GMDS: variants seen among roughly 807,000 people sequenced by gnomAD.
GMDS encodes the protein GDP-mannose 4,6 dehydratase.
In GMDS, 20 loss-of-function variants were observed where a neutral mutation model predicts 49.9. That is an observed-to-expected ratio of 0.40 (90% CI 0.28 to 0.58). The LOEUF is 0.58. Ranked by LOEUF, GMDS falls within the 20% of genes least tolerant of loss-of-function variation. The pLI is 0.42. For synonymous variants in GMDS, 177 were observed against 178.6 expected (o/e 0.99, Z 0.07); for missense variants, 362 against 481.4 (o/e 0.75, Z 2.32).
In GMDS at chr6:2,058,530, G is replaced by A. The variant is rs562110794; in HGVS notation, c.345+57241C>T. ...CCCTCATGAGAGTGTAGAGCTATCC[G>A]AAGGTAGAAAAGAATATCTTGAGAG... On this transcript the variant is annotated intron_variant, in intron 4 of 10. Transcript: ENST00000380815. Among the ~76,000 whole-genome samples, 6 of 152,072 alleles carry A rather than the reference G, an allele frequency of 3.9e-5. No homozygotes were observed. In the East Asian group the frequency reaches 5.8e-4, roughly 15 times the overall value.
intron 7 of GMDS, among the ~76,000 whole-genome samples, chr6:1,864,205 T>C (rs983762790): frequency 6.6e-6 from 1 of 152,216 alleles, no homozygotes; most frequent in African/African-American, 2.4e-5. Flanking sequence ...ACTTAATCTT[T>C]TATAGCAGAG....
intron 7 of GMDS, among the ~76,000 whole-genome samples, chr6:1,784,026 C>T (rs1769214355): frequency 6.6e-6 from 1 of 152,074 alleles, no homozygotes; most frequent in Non-Finnish European, 1.5e-5. Context: ...CACTGAAGGC[C>T]TTAGTTAAGG....
At chr6:1,999,153 C>G (rs941317340) in intron 4 of GMDS, among the ~76,000 whole-genome samples, 2 of 151,906 alleles carry the variant, frequency 1.3e-5, no homozygotes, top group African/African-American at 4.8e-5. Context: ...GAAACCCCGT[C>G]TCTACTAAAA....
At chr6:1,643,230 C>G (rs1763386389) in intron 9 of GMDS, among the ~76,000 whole-genome samples, 1 of 152,206 alleles carries the variant, frequency 6.6e-6, no homozygotes, top group Non-Finnish European at 1.5e-5. Context: ...ATTGATTCAC[C>G]AGACCAGACA....
intron 1 of GMDS, among the ~76,000 whole-genome samples, chr6:2,176,426 C>G (rs2127558465): frequency 6.6e-6 from 1 of 152,278 alleles, no homozygotes; most frequent in South Asian, 2.1e-4. Context: ...GTGAAGTGAG[C>G]AGTGTTTCAT....
rs142815527 is a variant in GMDS, at chr6:2,193,177, C to T, written c.102+52144G>A. ...TGCACGGCCAAAGACTTCTGCATTC[C>T]TCACAACTTCCTCAAGTCCTGCTGA... On this transcript the variant is annotated intron_variant, in intron 1 of 10. Transcript: ENST00000380815. Among the ~76,000 whole-genome samples the T allele has an allele frequency of 7.4e-4, 113 of 152,334 alleles. No individual in the cohort carries two copies. The East Asian group carries it at 0.02, about 28-fold the overall frequency.
intron 4 of GMDS, among the ~76,000 whole-genome samples, chr6:2,039,232 C>A (rs1189797225): frequency 1.3e-5 from 2 of 152,164 alleles, no homozygotes; most frequent in African/African-American, 4.8e-5. Flanking sequence ...GTATAAGGTA[C>A]TTCCCATGAA....
At chr6:1,821,601 CAATTT>C (rs1770897137) in intron 7 of GMDS, among the ~76,000 whole-genome samples, 1 of 123,614 alleles carries the variant, frequency 8.1e-6, no homozygotes, top group Non-Finnish European at 1.6e-5. Context: ...CAGCTGCTAA[CAATTT>C]ATTTGTTTTT....
At chr6:2,241,737 A>C (rs1256280292) in intron 1 of GMDS, among the ~76,000 whole-genome samples, 1 of 152,240 alleles carries the variant, frequency 6.6e-6, no homozygotes, top group Admixed American at 6.5e-5. Context: ...TAAAGCTTTC[A>C]GCAGAAGCAG....
chr6:2,166,529 G>A (rs925869138), intron 1 of GMDS, among the ~76,000 whole-genome samples: 1 of 152,152 alleles, frequency 6.6e-6, no homozygotes, highest in Non-Finnish European at 1.5e-5. Context: ...ATTCAAATTC[G>A]GATCTGACTC....
chr6:2,227,571 T>C (rs1780871690), intron 1 of GMDS, among the ~76,000 whole-genome samples: 1 of 152,198 alleles, frequency 6.6e-6, no homozygotes, highest in African/African-American at 2.4e-5. Flanking sequence ...ATTTCAGTAG[T>C]TCCTAGAGAG....
intron 7 of GMDS, among the ~76,000 whole-genome samples, chr6:1,812,207 G>A (rs76798246): frequency 0.012 from 1,901 of 152,280 alleles, 38 homozygotes; most frequent in African/African-American, 0.044. Context: ...GAGCTCACAA[G>A]CCAGGGAGAG....
chr6:1,829,587 C>T (rs192387072), intron 7 of GMDS, among the ~76,000 whole-genome samples: 8 of 152,266 alleles, frequency 5.3e-5, no homozygotes, highest in South Asian at 4.2e-4. Flanking sequence ...CACAGGCACA[C>T]GCCACCATGG....
rs75877370 is a variant in GMDS, at chr6:1,828,285, G to A, written c.772-85699C>T. 6.4e-3 allele frequency among the ~76,000 whole-genome samples: 979 copies of A among 152,176 alleles called. 11 individuals are homozygous for A. The highest frequency in any genetic ancestry group is 0.022 in the African/African-American group (934 of 41,534). On this transcript the variant is annotated intron_variant, in intron 7 of 10. Coordinates refer to ENST00000380815, the MANE Select transcript of GMDS (RefSeq NM_001500.4). ...AAATGAATGAAAAAAAGTGAACAGC[G>A]CCTAAGGAACTCAAGGGACACCATC...
chr6:2,000,728 C>G (rs550661145), intron 4 of GMDS, among the ~76,000 whole-genome samples: 1 of 152,282 alleles, frequency 6.6e-6, no homozygotes, highest in Non-Finnish European at 1.5e-5. Flanking sequence ...GTGGCACAAT[C>G]ATAGCTTACT....
At chr6:1,905,885 A>AGGTTGG (rs1379293721) in intron 7 of GMDS, among the ~76,000 whole-genome samples, 3 of 73,608 alleles carry the variant, frequency 4.1e-5, no homozygotes, top group African/African-American at 6.2e-5. Context: ...ATGTGACAAT[A>AGGTTGG]ACCCCATAGG....
intron 9 of GMDS, among the ~76,000 whole-genome samples, chr6:1,652,900 G>GCCTTT (rs1344141567): frequency 1.4e-5 from 2 of 144,598 alleles, no homozygotes; most frequent in African/African-American, 5.2e-5. Context: ...GTGCTTGCTG[G>GCCTTT]CCTTCTTCCT....
At chr6:1,890,330 G>A (rs1467658111) in intron 7 of GMDS, among the ~76,000 whole-genome samples, 2 of 152,120 alleles carry the variant, frequency 1.3e-5, no homozygotes, top group East Asian at 1.9e-4. Flanking sequence ...CTAATGGTGC[G>A]GCACATCTTT....
chr6:2,018,909 C>G (rs1039544050), intron 4 of GMDS, among the ~76,000 whole-genome samples: 1 of 151,846 alleles, frequency 6.6e-6, no homozygotes, highest in Non-Finnish European at 1.5e-5. Flanking sequence ...AAGGAACTGC[C>G]CATCTATTTT....
Sources: gnomAD v4.1 joint callset for allele counts (sites outside exome capture counted in the v4.1 genomes callset) on GRCh38, gnomAD v4.1.1 for gene constraint, MANE v1.5 for transcripts, NCBI Gene and HGNC (gene_info 2026-07-23, HGNC 2026-07-21) for gene names.